Variants in G2E3 observed in about 807,000 individuals in gnomAD.
The protein encoded by G2E3 is G2/M phase-specific E3 ubiquitin-protein ligase.
Under a neutral mutation model 92.8 loss-of-function variants are expected in G2E3, and 35 were observed. The observed-to-expected ratio is 0.38, with a 90% CI of 0.29 to 0.50. The LOEUF is 0.50. G2E3 is among the 20% of genes least tolerant of loss of function. G2E3 has a pLI of 0.94. For missense variants in G2E3, 554 were observed against 823.8 expected (o/e 0.67, Z 4.01); for synonymous variants, 242 against 272.4 (o/e 0.89, Z 1.10).
At chr14:30,592,914 C>T (rs1001197312) in intron 5 of G2E3, among the ~76,000 whole-genome samples, 2 of 152,052 alleles carry the variant, frequency 1.3e-5, no homozygotes, top group African/African-American at 4.8e-5. Flanking sequence ...CAACTTTAAA[C>T]ATCAAGGTTT....
intron 1 of G2E3, among the ~76,000 whole-genome samples, chr14:30,571,129 T>C (rs1050578556): frequency 6.6e-6 from 1 of 151,938 alleles, no homozygotes; most frequent in African/African-American, 2.4e-5. Context: ...CATTTTGAGT[T>C]CATTTTTTGT....
intron 1 of G2E3, among the ~76,000 whole-genome samples, chr14:30,574,258 A>G (rs977716992): frequency 1.3e-5 from 2 of 152,116 alleles, no homozygotes; most frequent in Admixed American, 1.3e-4. Flanking sequence ...TATGGATACC[A>G]ATTTCAGGAA....
chr14:30,580,797 G>C (rs886895096), intron 1 of G2E3: 1 of 332,774 alleles, frequency 3.0e-6, no homozygotes, highest in Non-Finnish European at 5.6e-6. Context: ...TTGGAGCATT[G>C]CAAGATGTCC....
chr14:30,561,233 AAAC>A (rs1290354359), intron 1 of G2E3, among the ~76,000 whole-genome samples: 1 of 152,256 alleles, frequency 6.6e-6, no homozygotes, highest in Non-Finnish European at 1.5e-5. Context: ...TCAAATAAGA[AAAC>A]AGGCTAAGAG....
At chr14:30,571,431 GT>G (rs941397827) in intron 1 of G2E3, among the ~76,000 whole-genome samples, 5 of 151,546 alleles carry the variant, frequency 3.3e-5, no homozygotes, top group African/African-American at 4.8e-5. Flanking sequence ...GCTTAACTAT[GT>G]TTTTTTGATT....
At chr14:30,605,959 TG>T (rs1218099981) in intron 11 of G2E3, 147 bp downstream of exon 11, 1 of 457,056 alleles carries the variant, frequency 2.2e-6, no homozygotes, top group Non-Finnish European at 3.8e-6. Flanking sequence ...CACAGGAAAG[TG>T]GGAAGGGGGA....
intron 4 of G2E3, chr14:30,590,788 A>C: frequency 2.2e-6 from 1 of 454,976 alleles, no homozygotes; most frequent in Non-Finnish European, 4.4e-6. Flanking sequence ...CATAATTCCT[A>C]AACTTCCTGG....
intron 1 of G2E3, among the ~76,000 whole-genome samples, chr14:30,568,439 T>C (rs969260721): frequency 4.6e-5 from 7 of 152,148 alleles, no homozygotes; most frequent in African/African-American, 7.2e-5. Context: ...TCTGACATTT[T>C]AGTATTTGTT....
intron 12 of G2E3, among the ~76,000 whole-genome samples, 163 bp downstream of exon 12, chr14:30,608,232 GT>G (rs1881923257): frequency 6.6e-6 from 1 of 152,196 alleles, no homozygotes; most frequent in Non-Finnish European, 1.5e-5. Flanking sequence ...TTAAAAGATA[GT>G]TTTAAAAGTC....
intron 2 of G2E3, among the ~76,000 whole-genome samples, chr14:30,585,756 T>C (rs1401284303): frequency 1.3e-5 from 2 of 152,084 alleles, no homozygotes; most frequent in Non-Finnish European, 2.9e-5. Context: ...TAGTTTCTTC[T>C]TTTTTTCTAG....
At chr14:30,592,567 CATT>C (rs1021267618) in intron 5 of G2E3, 120 bp downstream of exon 5, 3 of 726,644 alleles carry the variant, frequency 4.1e-6, no homozygotes, top group African/African-American at 3.7e-5. Flanking sequence ...TTAGATATAA[CATT>C]ATATGTATTA....
rs1198993885 is a variant in G2E3 at position 30,617,352 on chromosome 14, T to C, written c.*818T>C. ...TGGATAACATTTAGTTGAAAATACC[T>C]AAGAAAGTGTGTCTTCTTTAAAGCC... On this transcript the variant is annotated 3_prime_UTR_variant, in exon 15 of 15. Coordinates refer to ENST00000206595, the MANE Select transcript of G2E3 (RefSeq NM_017769.5). The C allele has an allele frequency of 6.6e-6, 1 of 152,122 alleles. No homozygotes were observed. Among genetic ancestry groups the C allele is most frequent in the Non-Finnish European group, 1.5e-5 (1 of 67,970 alleles). 9.4% of individuals were successfully genotyped at this position (152,122 alleles called of 1,614,324 possible). A position where few individuals can be genotyped will look rare whatever the true frequency, so the allele number is the denominator to read the frequency against.
chr14:30,587,007 G>C (rs1880747315), intron 3 of G2E3, among the ~76,000 whole-genome samples, 192 bp downstream of exon 3: 1 of 152,022 alleles, frequency 6.6e-6, no homozygotes, highest in South Asian at 2.1e-4. Flanking sequence ...TACATACAAA[G>C]ACCTATCATT....
chr14:30,594,455 C>T (rs528907037), intron 6 of G2E3, among the ~76,000 whole-genome samples: 15 of 151,862 alleles, frequency 9.9e-5, no homozygotes, highest in Non-Finnish European at 1.5e-4. Context: ...TTTGGGAGGC[C>T]GAGGAGGGTG....
intron 1 of G2E3, among the ~76,000 whole-genome samples, chr14:30,567,266 A>G (rs1292062256): frequency 6.6e-6 from 1 of 152,134 alleles, no homozygotes; most frequent in African/African-American, 2.4e-5. Context: ...TCAAAGGTTT[A>G]ATAGGGTTCA....
At chr14:30,595,420 ATAAT>A (rs1322626497) in intron 6 of G2E3, among the ~76,000 whole-genome samples, 2 of 152,336 alleles carry the variant, frequency 1.3e-5, no homozygotes, top group East Asian at 3.9e-4. Flanking sequence ...TTATTTGTTA[ATAAT>A]TAAGCAAAGA....
intron 2 of G2E3, among the ~76,000 whole-genome samples, chr14:30,585,024 T>TG (rs1880631394): frequency 6.6e-6 from 1 of 151,728 alleles, no homozygotes; most frequent in Admixed American, 6.6e-5. Flanking sequence ...TTAGTAGAGA[T>TG]GGGGTTTCAC....
chr14:30,581,044 T>G lies in G2E3; in HGVS notation c.-4-32T>G, dbSNP rs748455161. On this transcript the variant is annotated intron_variant, in intron 1 of 14. Coordinates refer to ENST00000206595, the MANE Select transcript of G2E3 (RefSeq NM_017769.5). ...GTTGTTAATTTGAGACTTTTACAATTAAGATGACTGTATTAATGTTATTTT... is the reference window on the plus strand; with the variant it reads ...GTTGTTAATTTGAGACTTTTACAATGAAGATGACTGTATTAATGTTATTTT... 5.0e-6 allele frequency: 6 copies of G among 1,192,704 alleles called. No individual in the cohort carries two copies. In the Middle Eastern group the frequency reaches 6.1e-4, roughly 121 times the overall value. The allele number at this position is 1,192,704 out of a possible 1,614,324, so 73.9% of individuals were successfully genotyped here.
Position 30,605,555 on chromosome 14 carries a change from G to T in G2E3, c.1061G>T (p.Gly354Val). Residue 354 changes from glycine to valine, a missense_variant, in exon 11 of 15, where the codon GGA becomes GTA. Coordinates refer to ENST00000206595, the MANE Select transcript of G2E3 (RefSeq NM_017769.5). ...GTATCAACACTATTAATAGAGTTAGGATTCCAAATTAAAAAAAAAACTAAA... is the reference window on the plus strand; with the variant it reads ...GTATCAACACTATTAATAGAGTTAGTATTCCAAATTAAAAAAAAAACTAAA... ...RNVSTLLIELGFQIKKKTKRL... is the reference protein window; with the variant it reads ...RNVSTLLIELVFQIKKKTKRL... 1 of 1,479,488 alleles carries T rather than the reference G, an allele frequency of 6.8e-7. No homozygotes were observed. Among genetic ancestry groups the T allele is most frequent in the South Asian group, 1.2e-5 (1 of 82,440 alleles). The allele number at this position is 1,479,488 out of a possible 1,614,324, so 91.6% of individuals were successfully genotyped here.
Sources: allele counts gnomAD v4.1 joint callset (sites outside exome capture counted in the v4.1 genomes callset), GRCh38; gene constraint gnomAD v4.1.1; transcripts MANE v1.5; gene names NCBI Gene and HGNC (gene_info 2026-07-23, HGNC 2026-07-21).